Variants in MEIOB observed in about 807,000 individuals in gnomAD.
MEIOB encodes meiosis-specific with OB domain-containing protein.
A neutral mutation model predicts 53.1 loss-of-function variants in MEIOB; 50 were observed. That is an observed-to-expected ratio of 0.94 (90% CI 0.75 to 1.19). The LOEUF is 1.19. MEIOB is among the 50% of genes most tolerant of loss of function. MEIOB has a pLI of 0.00. For missense variants in MEIOB, 551 were observed against 550.8 expected (o/e 1.00, Z 0.00); for synonymous variants, 192 against 182.5 (o/e 1.05, Z -0.42).
chr16:1,868,991 T>A (rs1039014115), intron 1 of MEIOB, among the ~76,000 whole-genome samples: 1 of 152,158 alleles, frequency 6.6e-6, no homozygotes, highest in Non-Finnish European at 1.5e-5. Context: ...GTTCAGAATG[T>A]CCTTTTATAA....
intron 10 of MEIOB, among the ~76,000 whole-genome samples, chr16:1,843,725 A>G (rs1439703308): frequency 1.3e-5 from 2 of 152,066 alleles, no homozygotes; most frequent in Non-Finnish European, 2.9e-5. Context: ...GAATTCCACT[A>G]AACACCTAAC....
At chr16:1,840,547 A>AT (rs202034014) in intron 11 of MEIOB, among the ~76,000 whole-genome samples, 80,776 of 143,828 alleles carry the variant, frequency 0.56, 22,431 homozygotes, top group Middle Eastern at 0.69. Context: ...TCTTATTATT[A>AT]TTTTTTTTTT....
intron 2 of MEIOB, among the ~76,000 whole-genome samples, chr16:1,867,539 G>C (rs429016): frequency 7.0e-6 from 1 of 142,052 alleles, no homozygotes; most frequent in Admixed American, 7.1e-5. Flanking sequence ...GCAATGGTGC[G>C]ATCTCGGCTC....
chr16:1,841,946 A>G lies in MEIOB; in HGVS notation c.908T>C (p.Val303Ala). ...CAAAGCTTTTCCCTTTAATTGTTCA[A>G]CTGTGTAGACATCAACTATTGTACT... ...NLSTIVDVYTVEQLKGKALKN... is the reference protein window; with the variant it reads ...NLSTIVDVYTAEQLKGKALKN... Residue 303 changes from valine (V) to alanine (A), a missense_variant, in exon 11 of 14, where the codon GTT (valine) becomes GCT (alanine). Coordinates refer to ENST00000325962, the MANE Select transcript of MEIOB (RefSeq NM_001163560.3). The G allele has an allele frequency of 6.2e-7, 1 of 1,604,742 alleles. No homozygotes were observed. Among genetic ancestry groups the G allele is most frequent in the South Asian group, 1.1e-5 (1 of 88,598 alleles).
chr16:1,834,397 G>A (rs760501834), intron 13 of MEIOB, 31 bp from the exon 14 acceptor site: 7 of 1,232,984 alleles, frequency 5.7e-6, no homozygotes, highest in South Asian at 1.3e-5. Context: ...AGAGACAAAA[G>A]GTTAATTTTT....
intron 1 of MEIOB, among the ~76,000 whole-genome samples, chr16:1,871,196 A>G (rs12719796): frequency 0.68 from 102,287 of 151,054 alleles, 34,819 homozygotes; most frequent in Middle Eastern, 0.79. Context: ...TTCAACAACT[A>G]CTGTCTCTTT....
At chr16:1,848,618 C>G (rs1301218279) in intron 9 of MEIOB, among the ~76,000 whole-genome samples, 1 of 148,918 alleles carries the variant, frequency 6.7e-6, no homozygotes, top group Non-Finnish European at 1.5e-5. Context: ...TCTCGACTCA[C>G]TACAACATCC....
rs202147878 is a variant in MEIOB at position 1,842,623 on chromosome 16, C to CAAAAAAAAAAAAAAAAAAAAAAAAAA, written c.881-651_881-650insTTTTTTTTTTTTTTTTTTTTTTTTTT. The stretch of plus-strand genomic sequence containing the variant: ...GGGCAACAAGAGCAAAACTCCATCT[C>CAAAAAAAAAAAAAAAAAAAAAAAAAA]AAAAAGACAGTGACTCGATTTTTTT... On this transcript the variant is annotated intron_variant, in intron 10 of 13. Transcript: ENST00000325962. 4.4e-4 allele frequency among the ~76,000 whole-genome samples: 43 copies of CAAAAAAAAAAAAAAAAAAAAAAAAAA among 97,764 alleles called. 3 individuals are homozygous for CAAAAAAAAAAAAAAAAAAAAAAAAAA. The highest frequency in any genetic ancestry group is 1.3e-3 in the African/African-American group (32 of 24,628). 64.1% of individuals were successfully genotyped at this position (97,764 alleles called of 152,430 possible). A position where few individuals can be genotyped will look rare whatever the true frequency, so the allele number is the denominator to read the frequency against.
At position 1,839,376 on chromosome 16, in the gene MEIOB, G is replaced by A; in HGVS notation, c.1097C>T (p.Ser366Phe). Residue 366 changes from serine (S) to phenylalanine (F), a missense_variant, in exon 12 of 14, where the codon TCC (serine) becomes TTC (phenylalanine). Coordinates refer to ENST00000325962, the MANE Select transcript of MEIOB (RefSeq NM_001163560.3). ...GAGAAAGACAGATTTAAAGTCCAAG[G>A]AGTTTTTGTTGCAAGTTGTGCACAT... ...SNMCTTCNKN[S>F]LDFKSVFLSF... 6.2e-7 allele frequency: 1 copy of A among 1,614,072 alleles called. No individual in the cohort carries two copies. The highest frequency in any genetic ancestry group is 1.1e-5 in the South Asian group (1 of 91,054).
At chr16:1,856,611 A>T (rs1899313122) in intron 6 of MEIOB, among the ~76,000 whole-genome samples, 1 of 150,690 alleles carries the variant, frequency 6.6e-6, no homozygotes, top group Non-Finnish European at 1.5e-5. Flanking sequence ...GAGCCACCGC[A>T]CCAGGCCACC....
chr16:1,860,515 T>G (rs1290805187), intron 4 of MEIOB, 40 bp from the exon 5 acceptor site: 31 of 1,147,644 alleles, frequency 2.7e-5, no homozygotes, highest in Admixed American at 4.0e-5. Context: ...TACAAAACAG[T>G]AACAAGATAA....
chr16:1,834,392 C>T (rs1489758169), intron 13 of MEIOB, 26 bp from the exon 14 acceptor site: 1 of 1,274,192 alleles, frequency 7.8e-7, no homozygotes, highest in Non-Finnish European at 1.1e-6. Flanking sequence ...GAAAAAGAGA[C>T]AAAAGGTTAA....
At chr16:1,860,306 A>G (rs1899410302) in intron 5 of MEIOB, 97 bp downstream of exon 5, 2 of 612,956 alleles carry the variant, frequency 3.3e-6, no homozygotes, top group Non-Finnish European at 5.4e-6. Flanking sequence ...TTATTGAAAT[A>G]GAAACAGAAC....
chr16:1,866,740 A>T (rs200443132), intron 2 of MEIOB, among the ~76,000 whole-genome samples: 24 of 200 alleles, frequency 0.12, no homozygotes, highest in Non-Finnish European at 0.15. Context: ...AAATAAAAAA[A>T]AAATAATAAA....
chr16:1,851,721 CTT>C (rs1406855579), intron 9 of MEIOB, among the ~76,000 whole-genome samples: 1 of 152,196 alleles, frequency 6.6e-6, no homozygotes, highest in Non-Finnish European at 1.5e-5. Context: ...GTAATTCTAT[CTT>C]TTAAAAATGC....
intron 12 of MEIOB, among the ~76,000 whole-genome samples, chr16:1,838,432 T>C (rs1898807795): frequency 6.6e-6 from 1 of 152,220 alleles, no homozygotes; most frequent in African/African-American, 2.4e-5. Context: ...TAAAGTCTAA[T>C]GGTAAATTTC....
In MEIOB at chr16:1,837,569, G is replaced by T. The variant is rs934935103; in HGVS notation, c.1305+215C>A. The T allele has an allele frequency of 1.4e-5, 5 of 353,152 alleles. No homozygotes were observed. The Admixed American group carries it at 1.7e-4, about 12-fold the overall frequency. 21.9% of individuals were successfully genotyped at this position (353,152 alleles called of 1,614,324 possible). On this transcript the variant is annotated intron_variant, in intron 13 of 13. Transcript: ENST00000325962. The stretch of plus-strand genomic sequence containing the variant: ...ACCTTAAAGGATATTTTCTTTGTTG[G>T]TCTATTTTCTTTGATGTCTTTGGTA...
At chr16:1,858,911 A>G (rs1390790615) in intron 5 of MEIOB, among the ~76,000 whole-genome samples, 9 of 152,196 alleles carry the variant, frequency 5.9e-5, no homozygotes, top group Admixed American at 5.9e-4. Flanking sequence ...CCATCCATCC[A>G]TCACTTCCAT....
intron 6 of MEIOB, among the ~76,000 whole-genome samples, chr16:1,855,668 C>G (rs1050030853): frequency 1.3e-5 from 2 of 152,156 alleles, no homozygotes; most frequent in African/African-American, 4.8e-5. Context: ...GGGGAAATCG[C>G]AAACAATTGA....
Sources: gnomAD v4.1 joint callset for allele counts (sites outside exome capture counted in the v4.1 genomes callset) on GRCh38, gnomAD v4.1.1 for gene constraint, MANE v1.5 for transcripts, NCBI Gene and HGNC (gene_info 2026-07-23, HGNC 2026-07-21) for gene names.